Variants in JMJD1C observed in about 807,000 individuals in gnomAD.
The protein encoded by JMJD1C is jumonji domain-containing protein 1C.
JMJD1C carries 31 observed loss-of-function variants against 245.3 expected under a neutral mutation model. The observed-to-expected ratio is 0.13, with a 90% CI of 0.09 to 0.17. The LOEUF is 0.17. Among genes scored for constraint, JMJD1C ranks in the 10% least tolerant of loss-of-function variants. The pLI is 1.00. For synonymous variants in JMJD1C, 1,057 were observed against 1,017.4 expected (o/e 1.04, Z -0.74); for missense variants, 2,691 against 3,000.2 (o/e 0.90, Z 2.41).
At chr10:63,251,602 A>C (rs1853082980) in intron 3 of JMJD1C, among the ~76,000 whole-genome samples, 1 of 152,216 alleles carries the variant, frequency 6.6e-6, no homozygotes, top group Non-Finnish European at 1.5e-5. Context: ...CATAGTATCT[A>C]AAGACTCAGG....
At chr10:63,369,254 G>A (rs760038280) in intron 2 of JMJD1C, among the ~76,000 whole-genome samples, 3 of 151,298 alleles carry the variant, frequency 2.0e-5, no homozygotes, top group Non-Finnish European at 4.4e-5. Context: ...AGCAATTCTC[G>A]CCTCAGCCTC....
intron 1 of JMJD1C, among the ~76,000 whole-genome samples, chr10:63,483,656 A>C (rs1384891216): frequency 1.3e-5 from 2 of 152,236 alleles, no homozygotes; most frequent in African/African-American, 4.8e-5. Flanking sequence ...CTTCACAAAA[A>C]GATGGATTAT....
chr10:63,422,014 A>C (rs1160720487), intron 1 of JMJD1C, among the ~76,000 whole-genome samples: 1 of 152,238 alleles, frequency 6.6e-6, no homozygotes, highest in East Asian at 1.9e-4. Context: ...ACTTTTTAAA[A>C]GATTAAAAAT....
intron 2 of JMJD1C, among the ~76,000 whole-genome samples, chr10:63,355,646 G>T (rs1024728790): frequency 1.3e-5 from 2 of 152,102 alleles, no homozygotes; most frequent in East Asian, 3.9e-4. Flanking sequence ...AACTTTTCCA[G>T]TGACAGCTGT....
At chr10:63,420,444 T>C in intron 1 of JMJD1C, among the ~76,000 whole-genome samples, 1 of 151,954 alleles carries the variant, frequency 6.6e-6, no homozygotes, top group Non-Finnish European at 1.5e-5. Flanking sequence ...CATTCTGTAA[T>C]CCCAGCAGTT....
At chr10:63,304,089 T>TA (rs1860404005) in intron 2 of JMJD1C, among the ~76,000 whole-genome samples, 1 of 151,544 alleles carries the variant, frequency 6.6e-6, no homozygotes, top group African/African-American at 2.4e-5. Flanking sequence ...TTGCCTTACT[T>TA]ATCTTTGTAT....
At chr10:63,299,372 T>TTTG (rs397953498) in intron 2 of JMJD1C, among the ~76,000 whole-genome samples, 2 of 150,638 alleles carry the variant, frequency 1.3e-5, no homozygotes, top group African/African-American at 4.9e-5. Context: ...TTTTTTTTTT[T>TTTG]GTAGAGATGA....
intron 3 of JMJD1C, among the ~76,000 whole-genome samples, chr10:63,233,432 A>G (rs1011118908): frequency 6.6e-6 from 1 of 152,174 alleles, no homozygotes. Context: ...ATGTCTAACA[A>G]CACCCAAAAA....
At chr10:63,176,602 C>T in intron 23 of JMJD1C, 129 bp from the exon 24 acceptor site, 1 of 663,084 alleles carries the variant, frequency 1.5e-6, no homozygotes, top group Non-Finnish European at 2.5e-6. Context: ...ACTGAATGAG[C>T]TTCTTCAGTT....
chr10:63,219,183 C>T (rs1848322935), intron 4 of JMJD1C, among the ~76,000 whole-genome samples: 2 of 152,158 alleles, frequency 1.3e-5, no homozygotes, highest in Admixed American at 6.5e-5. Flanking sequence ...CACTACTGTA[C>T]ATACCCATAT....
chr10:63,190,041 T>C (rs1844588205), intron 17 of JMJD1C, among the ~76,000 whole-genome samples: 1 of 151,764 alleles, frequency 6.6e-6, no homozygotes, highest in African/African-American at 2.4e-5. Context: ...CAAGCATGCA[T>C]CACCATGCAC....
intron 1 of JMJD1C, among the ~76,000 whole-genome samples, chr10:63,517,514 T>C (rs551201668): frequency 6.6e-6 from 1 of 152,322 alleles, no homozygotes; most frequent in East Asian, 1.9e-4. Context: ...TTGCCCTAAA[T>C]ACATTGCCTT....
Position 63,292,144 on chromosome 10 carries a change from A to ATTTTTTTTTTTTTTT in JMJD1C, c.334-27395_334-27381dup, listed in dbSNP as rs573065816. ...TTTTTTTTAGTTTCTGTAGAGACAG[A>ATTTTTTTTTTTTTTT]TTTTTTTTTTTTTTTTTTTGCCTAG... On this transcript the variant is annotated intron_variant, in intron 2 of 25. Transcript: ENST00000399262. Among the ~76,000 whole-genome samples, 518 of 56,314 alleles carry ATTTTTTTTTTTTTTT rather than the reference A, an allele frequency of 9.2e-3. 155 individuals carry two copies. The highest frequency in any genetic ancestry group is 0.014 in the African/African-American group (193 of 13,514). The allele number at this position is 56,314 out of a possible 152,430, so 36.9% of individuals were successfully genotyped here. A position where few individuals can be genotyped will look rare whatever the true frequency, so the allele number is the denominator to read the frequency against.
rs201473599 is a variant in JMJD1C at position 63,215,054 on chromosome 10, A to G, written c.1113T>C (p.Asn371=). 5 of 1,607,062 alleles carry G rather than the reference A, an allele frequency of 3.1e-6. No homozygotes were observed. The East Asian group carries it at 1.1e-4, about 36-fold the overall frequency. ...CACTGCTCTCAGAAAAGTCTGAAAC[A>G]TTGTCAGTTCGAAGTCTTTTCATAT... is the stretch of plus-strand genomic sequence containing the variant. ...KLNMKRLRTD[N]VSDFSESSDS... Residue 371 remains asparagine (N), a synonymous_variant, in exon 8 of 26, where the codon AAT becomes AAC. Coordinates refer to ENST00000399262, the MANE Select transcript of JMJD1C (RefSeq NM_032776.3).
intron 1 of JMJD1C, among the ~76,000 whole-genome samples, chr10:63,427,048 T>C (rs1231361423): frequency 2.6e-5 from 4 of 152,244 alleles, no homozygotes; most frequent in East Asian, 3.8e-4. Context: ...TGGTTTATAA[T>C]GTGGTTTGTG....
chr10:63,223,752 T>TTTTTG (rs1171591507), intron 3 of JMJD1C, among the ~76,000 whole-genome samples: 3 of 151,518 alleles, frequency 2.0e-5, no homozygotes, highest in African/African-American at 4.9e-5. Context: ...TTATAAATAT[T>TTTTTG]TTTTGTTTTG....
At position 63,215,328 on chromosome 10, in the gene JMJD1C, G is replaced by A; in HGVS notation, c.950C>T (p.Ser317Leu). ...CTCTTCATCTGGTATACTGCTATCTGAGCCCTTCCTCTTATTTGGACGGAT... is the reference window on the plus strand; with the variant it reads ...CTCTTCATCTGGTATACTGCTATCTAAGCCCTTCCTCTTATTTGGACGGAT... ...RSIRPNKRKGSDSSIPDEEKM... is the reference protein window; with the variant it reads ...RSIRPNKRKGLDSSIPDEEKM... The change falls in exon 7 of 26, where the codon TCA (serine) becomes TTA (leucine). Residue 317 changes from serine to leucine, a missense_variant. Transcript: ENST00000399262. 1 of 1,612,948 alleles carries A rather than the reference G, an allele frequency of 6.2e-7. No individual in the cohort carries two copies. The highest frequency in any genetic ancestry group is 1.3e-5 in the African/African-American group (1 of 74,534).
chr10:63,195,022 G>A (rs1845282410), intron 13 of JMJD1C, among the ~76,000 whole-genome samples: 1 of 152,084 alleles, frequency 6.6e-6, no homozygotes, highest in African/African-American at 2.4e-5. Context: ...GGCTACAAGA[G>A]TTTCAGTGTC....
Position 63,168,495 on chromosome 10 carries a change from A to G in JMJD1C, c.7473T>C (p.Phe2491=). 1 of 1,611,184 alleles carries G rather than the reference A, an allele frequency of 6.2e-7. No homozygotes were observed. Among genetic ancestry groups the G allele is most frequent in the Non-Finnish European group, 8.5e-7 (1 of 1,178,676 alleles). ...AAAGTCTCAGTTCCTGTGTTAAATGAAATGACTCTACAAGATGTTCTGGAG... is the reference window on the plus strand; with the variant it reads ...AAAGTCTCAGTTCCTGTGTTAAATGGAATGACTCTACAAGATGTTCTGGAG... The part of the protein sequence containing the change: ...FVSPEHLVES[F]HLTQELRLLK... The change falls in exon 25 of 26, where the codon TTT becomes TTC. Residue 2491 remains phenylalanine, a synonymous_variant. Coordinates refer to ENST00000399262, the MANE Select transcript of JMJD1C (RefSeq NM_032776.3).
Sources: gnomAD v4.1 joint callset for allele counts (sites outside exome capture counted in the v4.1 genomes callset) on GRCh38, gnomAD v4.1.1 for gene constraint, MANE v1.5 for transcripts, NCBI Gene and HGNC (gene_info 2026-07-23, HGNC 2026-07-21) for gene names.